The following ZNF483 variants were observed in gnomAD, a reference collection of about 807,000 sequenced individuals.
ZNF483 encodes the protein zinc finger protein HIT-10.
Under a neutral mutation model 28.6 loss-of-function variants are expected in ZNF483, and 9 were observed. The ratio of observed to expected loss-of-function variants is 0.32; its 90% confidence interval spans 0.19 to 0.55. The LOEUF (loss-of-function observed/expected upper bound fraction) is 0.55, where lower values mean the gene tolerates loss of function less well. Among genes scored for constraint, ZNF483 ranks in the 20% least tolerant of loss-of-function variants. The probability of loss-of-function intolerance (pLI) is 0.93; values close to 1 mark genes in which losing one functional copy is unlikely to be tolerated. For missense variants in ZNF483, 675 were observed against 871.7 expected (o/e 0.77, Z 2.84); for synonymous variants, 322 against 306.2 (o/e 1.05, Z -0.54).
At chr9:111,561,590 T>C (rs1828323083) in intron 5 of ZNF483, among the ~76,000 whole-genome samples, 1 of 152,174 alleles carries the variant, frequency 6.6e-6, no homozygotes, top group Admixed American at 6.6e-5. Context: ...TTTTTCTTCA[T>C]ATAAATCTTG....
intron 5 of ZNF483, chr9:111,539,760 TCA>T: frequency 6.6e-6 from 1 of 151,146 alleles, no homozygotes; most frequent in Non-Finnish European, 1.4e-5. Context: ...AAACTCCGTC[TCA>T]AAAAAAAAAA....
At position 111,551,494 on chromosome 9, in the gene ZNF483, G is replaced by A. The variant is rs1589281889; in HGVS notation, c.*8324G>A. 1.6e-5 allele frequency among the ~76,000 whole-genome samples: 2 copies of A among 125,592 alleles called. No individual in the cohort carries two copies. The highest frequency in any genetic ancestry group is 2.8e-4 in the South Asian group (1 of 3,578). The allele number at this position is 125,592 out of a possible 152,430, so 82.4% of individuals were successfully genotyped here. On this transcript the variant is annotated 3_prime_UTR_variant, in exon 6 of 6. Coordinates refer to ENST00000309235, the MANE Select transcript of ZNF483 (RefSeq NM_133464.5). ...GCAATCTTGGTCCACTGCAACCTCC[G>A]CCTCCTGGGTTCCAGCAATTCTCCT...
In ZNF483 at chr9:111,549,746, T is replaced by C. The variant is rs1398052023; in HGVS notation, c.*6576T>C. Reference sequence around the variant, plus strand: ...CTAAGGTAATGGTGAATGATACATATTCCCTTCATTTTTCTGCTTTGAAGC... The same window carrying C: ...CTAAGGTAATGGTGAATGATACATACTCCCTTCATTTTTCTGCTTTGAAGC... On this transcript the variant is annotated 3_prime_UTR_variant, in exon 6 of 6. Transcript: ENST00000309235. 1 of 1,550,842 alleles carries C rather than the reference T, an allele frequency of 6.4e-7. No homozygotes were observed. The highest frequency in any genetic ancestry group is 8.7e-7 in the Non-Finnish European group (1 of 1,146,624).
rs1564608138 is a variant in ZNF483, at chr9:111,561,152, A to AGAGG, written c.722-15210_722-15209insGGAG. ...AGAGAGAGAGAGGAGAGAGAGGGAG[A>AGAGG]GAGAGAGAGAGAGAGAGAGAGAGAG... is the stretch of plus-strand genomic sequence containing the variant. On this transcript the variant is annotated intron_variant, in intron 5 of 5. Transcript: ENST00000358151. 1.2e-3 allele frequency among the ~76,000 whole-genome samples: 92 copies of AGAGG among 73,660 alleles called. 3 individuals are homozygous for AGAGG. The highest frequency in any genetic ancestry group is 5.7e-3 in the African/African-American group (78 of 13,680). 48.3% of individuals were successfully genotyped at this position (73,660 alleles called of 152,430 possible).
intron 5 of ZNF483, chr9:111,574,515 AT>A: frequency 3.3e-6 from 1 of 302,698 alleles, no homozygotes; most frequent in South Asian, 4.8e-5. Context: ...CACCCAGCTT[AT>A]TTTTGTATTT....
chr9:111,532,772 G>A (rs1827381407), intron 3 of ZNF483, among the ~76,000 whole-genome samples: 1 of 152,096 alleles, frequency 6.6e-6, no homozygotes, highest in Admixed American at 6.5e-5. Context: ...AGCTGGGTGC[G>A]TTGGTGCATG....
chr9:111,557,901 C>T (rs369592038), downstream of ZNF483, among the ~76,000 whole-genome samples: 14 of 152,112 alleles, frequency 9.2e-5, no homozygotes, highest in African/African-American at 9.7e-5. Context: ...GTAATCCCAG[C>T]GCTTTGGGAG....
At chr9:111,560,774 T>G (rs1828259817) in intron 5 of ZNF483, among the ~76,000 whole-genome samples, 1 of 146,832 alleles carries the variant, frequency 6.8e-6, no homozygotes, top group Admixed American at 6.8e-5. Context: ...AAACCCTATC[T>G]CTACTAAAAA....
chr9:111,534,295 G>A lies in ZNF483; in HGVS notation c.663G>A (p.Gln221=). ...TTTCAAAATTAGAGTTGATTTCCCA[G>A]CTAAAGTGGGTTGAATTGCCATGGC... ...FPVSKLELIS[Q]LKWVELPWLL... is the part of the protein sequence containing the mutation. Residue 221 remains glutamine, a synonymous_variant, in exon 5 of 6, where the codon CAG becomes CAA. Coordinates refer to ENST00000309235, the MANE Select transcript of ZNF483 (RefSeq NM_133464.5). The A allele has an allele frequency of 6.2e-7, 1 of 1,614,130 alleles. No homozygotes were observed. Among genetic ancestry groups the A allele is most frequent in the African/African-American group, 1.3e-5 (1 of 75,048 alleles).
At chr9:111,532,925 A>G (rs1289177116) in intron 3 of ZNF483, among the ~76,000 whole-genome samples, 3 of 152,144 alleles carry the variant, frequency 2.0e-5, no homozygotes, top group South Asian at 2.1e-4. Flanking sequence ...AAAAAAAGAA[A>G]AAAAAGGAAA....
chr9:111,560,809 G>A lies in ZNF483; in HGVS notation c.722-15556G>A, dbSNP rs192278524. On this transcript the variant is annotated intron_variant, in intron 5 of 5. Transcript: ENST00000358151. The stretch of plus-strand genomic sequence containing the variant: ...ATACAAAACACTAGCCAGGCATGGT[G>A]GCTCATGCCTGTAATCCCAGCTACT... Among the ~76,000 whole-genome samples, 475 of 149,484 alleles carry A rather than the reference G, an allele frequency of 3.2e-3. 5 individuals carry two copies. Among genetic ancestry groups the A allele is most frequent in the African/African-American group, 0.012 (466 of 40,490 alleles).
Position 111,546,848 on chromosome 9 carries a change from C to T in ZNF483, c.*3678C>T, listed in dbSNP as rs1168118670. 6.6e-6 allele frequency among the ~76,000 whole-genome samples: 1 copy of T among 152,114 alleles called. No individual in the cohort carries two copies. The highest frequency in any genetic ancestry group is 1.5e-5 in the Non-Finnish European group (1 of 67,988). On this transcript the variant is annotated 3_prime_UTR_variant, in exon 6 of 6. Coordinates refer to ENST00000309235, the MANE Select transcript of ZNF483 (RefSeq NM_133464.5). ...CTTAAACAGTAACTCCCCATTTTCT[C>T]CTCCTCAGGCTCCTGGTAACCACTG... is the stretch of plus-strand genomic sequence containing the variant.
chr9:111,573,426 C>A (rs1305645799), intron 5 of ZNF483, among the ~76,000 whole-genome samples: 1 of 152,200 alleles, frequency 6.6e-6, no homozygotes, highest in Non-Finnish European at 1.5e-5. Flanking sequence ...CATCTCCATA[C>A]AGTTGTGTGG....
chr9:111,535,343 C>T (rs1029536472), intron 5 of ZNF483, among the ~76,000 whole-genome samples: 5 of 152,128 alleles, frequency 3.3e-5, no homozygotes, highest in Non-Finnish European at 7.3e-5. Flanking sequence ...TGGGAATATA[C>T]AGGAGCAAGG....
intron 5 of ZNF483, among the ~76,000 whole-genome samples, chr9:111,571,273 A>G (rs1314614904): frequency 6.7e-6 from 1 of 149,382 alleles, no homozygotes; most frequent in African/African-American, 2.4e-5. Context: ...TTAGCTGGGC[A>G]TGGTGGCACA....
intron 5 of ZNF483, among the ~76,000 whole-genome samples, chr9:111,570,778 C>CA (rs1444175601): frequency 6.6e-6 from 1 of 151,244 alleles, no homozygotes; most frequent in African/African-American, 2.4e-5. Context: ...GACTCTGCCT[C>CA]AAAAAAATAA....
At chr9:111,529,519 C>T (rs1333341625) in intron 2 of ZNF483, among the ~76,000 whole-genome samples, 19 of 152,308 alleles carry the variant, frequency 1.2e-4, no homozygotes, top group Admixed American at 4.6e-4. Context: ...TGAGACTAAC[C>T]TGGTGCTTTC....
At position 111,548,817 on chromosome 9, in the gene ZNF483, G is replaced by GTT. The variant is rs11323976; in HGVS notation, c.*5659_*5660dup. Among the ~76,000 whole-genome samples the GTT allele has an allele frequency of 2.0e-5, 3 of 148,030 alleles. No homozygotes were observed. The highest frequency in any genetic ancestry group is 2.0e-4 in the Admixed American group (3 of 14,944). ...CTGTATATAGAATTCTCAGTTGACA[G>GTT]TTTTTTTTTTTTTCTTTCTGCATTA... On this transcript the variant is annotated 3_prime_UTR_variant, in exon 6 of 6. Transcript: ENST00000309235.
chr9:111,558,335 C>G (rs1003765306), downstream of ZNF483, among the ~76,000 whole-genome samples: 1 of 152,096 alleles, frequency 6.6e-6, no homozygotes, highest in Non-Finnish European at 1.5e-5. Context: ...TGGCTGTGTT[C>G]TTTCAACATG....
Sources: gnomAD v4.1 joint callset for allele counts (sites outside exome capture counted in the v4.1 genomes callset) on GRCh38, gnomAD v4.1.1 for gene constraint, MANE v1.5 for transcripts, NCBI Gene and HGNC (gene_info 2026-07-23, HGNC 2026-07-21) for gene names.